Variants in ANKRD36C observed in about 807,000 individuals in gnomAD.
The protein encoded by ANKRD36C is ankyrin repeat domain-containing protein 36C.
In ANKRD36C, 61 loss-of-function variants were observed where a neutral mutation model predicts 276.4. The observed-to-expected ratio is 0.22, with a 90% CI of 0.18 to 0.27. ANKRD36C has a LOEUF of 0.27. Among genes scored for constraint, ANKRD36C ranks in the 10% least tolerant of loss-of-function variants. The probability of loss-of-function intolerance (pLI) is 1.00; values close to 1 mark genes in which losing one functional copy is unlikely to be tolerated. For synonymous variants in ANKRD36C, 483 were observed against 680.1 expected, an observed-to-expected ratio of 0.71 and a Z score of 4.51; for missense variants, 1,447 against 2,032.3, an observed-to-expected ratio of 0.71 and a Z score of 5.54.
intron 42 of ANKRD36C, 41 bp downstream of exon 44, chr2:95,912,203 T>A (rs755064908): frequency 6.5e-7 from 1 of 1,541,590 alleles, no homozygotes; most frequent in African/African-American, 1.4e-5. Flanking sequence ...GAACTTCTTA[T>A]CTGGACTGCA....
At chr2:95,849,052 C>T (rs1009980338), downstream of ANKRD36C, among the ~76,000 whole-genome samples, 21 of 151,844 alleles carry the variant, frequency 1.4e-4, no homozygotes, top group African/African-American at 2.2e-4. Context: ...TTTGTCAGCA[C>T]GTATTCTTTC....
chr2:95,971,599 G>C (rs1400134861), intron 6 of ANKRD36C, among the ~76,000 whole-genome samples: 1 of 151,832 alleles, frequency 6.6e-6, no homozygotes, highest in Non-Finnish European at 1.5e-5. Flanking sequence ...AACACAATAT[G>C]AATATTCTCT....
chr2:95,914,769 CGAT>C (rs1283768244), intron 38 of ANKRD36C, among the ~76,000 whole-genome samples: 4 of 151,438 alleles, frequency 2.6e-5, no homozygotes, highest in African/African-American at 9.7e-5. Context: ...CACACAATTC[CGAT>C]GATACTTCAG....
At chr2:95,921,663 T>A in exon 34 of ANKRD36C, 3 of 1,608,608 alleles carry the variant, frequency 1.9e-6, no homozygotes, top group Non-Finnish European at 2.5e-6. Context: ...AACAGAATCT[T>A]CCTCGTCAGT....
intron 22 of ANKRD36C, 99 bp downstream of exon 22, chr2:95,938,730 C>G: frequency 3.4e-6 from 5 of 1,457,594 alleles, no homozygotes; most frequent in Non-Finnish European, 4.6e-6. Context: ...TCAAATCCTT[C>G]CATCTCATTT....
intron 1 of ANKRD36C, among the ~76,000 whole-genome samples, chr2:95,990,822 T>C (rs1471119974): frequency 6.6e-6 from 1 of 152,194 alleles, no homozygotes; most frequent in Non-Finnish European, 1.5e-5. Flanking sequence ...TGATATATTA[T>C]GGAAATGATT....
intron 14 of ANKRD36C, among the ~76,000 whole-genome samples, 193 bp from the exon 15 acceptor site, chr2:95,951,601 A>G (rs541745062): frequency 4.6e-5 from 7 of 152,422 alleles, no homozygotes; most frequent in Non-Finnish European, 7.3e-5. Context: ...GGTGATACAG[A>G]TATCTTCAAA....
intron 1 of ANKRD36C, among the ~76,000 whole-genome samples, chr2:95,989,914 A>T (rs1433396803): frequency 6.6e-6 from 1 of 152,200 alleles, no homozygotes; most frequent in East Asian, 1.9e-4. Flanking sequence ...TGAAAAAAAA[A>T]TGCTTTGCTC....
At chr2:95,861,667 A>G (rs1041694633) in intron 60 of ANKRD36C, among the ~76,000 whole-genome samples, 10 of 152,260 alleles carry the variant, frequency 6.6e-5, no homozygotes, top group Non-Finnish European at 1.2e-4. Flanking sequence ...TCTAAAGGAA[A>G]GCAGGAAAAG....
intron 30 of ANKRD36C, 95 bp from the exon 31 acceptor site, chr2:95,923,784 G>C: frequency 2.6e-6 from 4 of 1,539,556 alleles, no homozygotes; most frequent in Non-Finnish European, 3.5e-6. Flanking sequence ...GTATGCTCCT[G>C]CCTGTATTAG....
At chr2:95,921,872 C>T (rs1307688483) in intron 32 of ANKRD36C, 62 bp from the exon 33 acceptor site, 39 of 1,512,278 alleles carry the variant, frequency 2.6e-5, no homozygotes, top group East Asian at 7.0e-5. Context: ...TACATTCATG[C>T]GGTGTTAGCA....
intron 12 of ANKRD36C, among the ~76,000 whole-genome samples, chr2:95,958,156 A>G (rs1449717462): frequency 6.6e-6 from 1 of 151,778 alleles, no homozygotes; most frequent in South Asian, 2.1e-4. Context: ...TAATTACTAC[A>G]TCAGTGGTCT....
At chr2:95,872,228 C>G (rs2104299011) in intron 59 of ANKRD36C, among the ~76,000 whole-genome samples, 1 of 143,332 alleles carries the variant, frequency 7.0e-6, no homozygotes, top group African/African-American at 2.6e-5. Context: ...TTTTCAGCAC[C>G]ACACCACACC....
At chr2:95,951,505 G>T in intron 14 of ANKRD36C, 97 bp from the exon 15 acceptor site, 2 of 942,500 alleles carry the variant, frequency 2.1e-6, no homozygotes, top group Non-Finnish European at 3.2e-6. Flanking sequence ...GAAAAGTATG[G>T]ACATTGAAAT....
intron 6 of ANKRD36C, among the ~76,000 whole-genome samples, chr2:95,968,637 C>G (rs1286418823): frequency 6.6e-6 from 1 of 152,174 alleles, no homozygotes; most frequent in Non-Finnish European, 1.5e-5. Flanking sequence ...CAGCAACAAG[C>G]AAACAATCAA....
chr2:95,970,967 T>C (rs1359361424), intron 6 of ANKRD36C, among the ~76,000 whole-genome samples: 2 of 152,166 alleles, frequency 1.3e-5, no homozygotes, highest in African/African-American at 2.4e-5. Flanking sequence ...ATATAAATTA[T>C]GCTTTTTCAA....
At chr2:95,984,610 G>A (rs1221540252) in intron 3 of ANKRD36C, among the ~76,000 whole-genome samples, 1 of 151,916 alleles carries the variant, frequency 6.6e-6, no homozygotes, top group Non-Finnish European at 1.5e-5. Context: ...GCCCAAGAAT[G>A]CAATAAAAAT....
intron 15 of ANKRD36C, 76 bp from the exon 16 acceptor site, chr2:95,950,855 A>G: frequency 2.7e-6 from 4 of 1,474,264 alleles, no homozygotes; most frequent in South Asian, 1.3e-5. Context: ...AAAAAAGCAC[A>G]GTGGCTTGTT....
At chr2:95,948,667 A>G (rs1453557976) in intron 16 of ANKRD36C, 71 bp from the exon 17 acceptor site, 3 of 1,418,782 alleles carry the variant, frequency 2.1e-6, no homozygotes, top group Non-Finnish European at 2.9e-6. Context: ...CCGTCAGTCT[A>G]TACATGCAGG....
Sources: gnomAD v4.1 joint callset for allele counts (sites outside exome capture counted in the v4.1 genomes callset) on GRCh38, gnomAD v4.1.1 for gene constraint, MANE v1.5 for transcripts, NCBI Gene and HGNC (gene_info 2026-07-23, HGNC 2026-07-21) for gene names.